The following MDN1 variants were observed in gnomAD, a reference collection of about 807,000 sequenced individuals.
The protein encoded by MDN1 is midasin.
In MDN1, 266 loss-of-function variants were observed where a neutral mutation model predicts 669.2. The observed-to-expected ratio is 0.40, with a 90% CI of 0.36 to 0.44. The LOEUF (loss-of-function observed/expected upper bound fraction) is 0.44, where lower values mean the gene tolerates loss of function less well. Ranked by LOEUF, MDN1 falls within the 20% of genes least tolerant of loss-of-function variation. MDN1 has a pLI of 1.00. For missense variants in MDN1, 5,940 were observed against 6,754.0 expected (o/e 0.88, Z 4.22); for synonymous variants, 2,385 against 2,457.1 (o/e 0.97, Z 0.87).
intron 17 of MDN1, among the ~76,000 whole-genome samples, chr6:89,760,340 G>A (rs1224671203): frequency 2.0e-5 from 3 of 151,774 alleles, no homozygotes; most frequent in East Asian, 3.9e-4. Flanking sequence ...TGAAGTGAAC[G>A]GGTCCAAATC....
intron 15 of MDN1, among the ~76,000 whole-genome samples, chr6:89,767,304 T>C (rs1817848600): frequency 6.6e-6 from 1 of 151,984 alleles, no homozygotes; most frequent in African/African-American, 2.4e-5. Flanking sequence ...CCAACACTAA[T>C]CAAAAAGCAA....
intron 64 of MDN1, 109 bp from the exon 65 acceptor site, chr6:89,690,252 G>A (rs1812294320): frequency 8.8e-7 from 1 of 1,136,868 alleles, no homozygotes; most frequent in Admixed American, 2.5e-5. Flanking sequence ...AATGAAATAG[G>A]ACTAATATAT....
At chr6:89,769,405 T>G (rs114573528) in intron 15 of MDN1, among the ~76,000 whole-genome samples, 230 of 152,254 alleles carry the variant, frequency 1.5e-3, no homozygotes, top group African/African-American at 5.3e-3. Context: ...CCACAAAAAC[T>G]GAGAAAAGGC....
chr6:89,726,381 T>C (rs1489828273), intron 37 of MDN1, among the ~76,000 whole-genome samples: 2 of 150,314 alleles, frequency 1.3e-5, no homozygotes, highest in Non-Finnish European at 3.0e-5. Flanking sequence ...CACGATTCAG[T>C]TGAACCTGGG....
intron 50 of MDN1, among the ~76,000 whole-genome samples, chr6:89,709,960 G>A (rs1327666208): frequency 6.6e-6 from 1 of 152,086 alleles, no homozygotes; most frequent in Admixed American, 6.6e-5. Flanking sequence ...GCAGTCAGTG[G>A]CACTATCACA....
chr6:89,675,218 A>G (rs1291864930), intron 78 of MDN1, among the ~76,000 whole-genome samples: 1 of 152,212 alleles, frequency 6.6e-6, no homozygotes, highest in African/African-American at 2.4e-5. Flanking sequence ...TGCCTGACAC[A>G]GCCCTGAAAT....
At chr6:89,651,233 G>A (rs1297657676) in intron 95 of MDN1, among the ~76,000 whole-genome samples, 2 of 149,956 alleles carry the variant, frequency 1.3e-5, no homozygotes, top group Non-Finnish European at 3.0e-5. Flanking sequence ...GCTGAGGCAG[G>A]AGAATCGCTT....
At chr6:89,741,674 G>T (rs1816306295) in intron 31 of MDN1, among the ~76,000 whole-genome samples, 2 of 152,132 alleles carry the variant, frequency 1.3e-5, no homozygotes. Flanking sequence ...AGCACCACCT[G>T]GAATGGAAAC....
In MDN1 at chr6:89,672,367, C is replaced by A. The variant is rs767354358; in HGVS notation, c.13631-4G>T. On this transcript the variant is annotated splice_polypyrimidine_tract_variant and splice_region_variant and intron_variant, in intron 81 of 101. Transcript: ENST00000369393. ...GATTGCAGTCTCTCAAAGCCTGCTG[C>A]CTCATTCATTCAGAGAAAATAACAA... The A allele has an allele frequency of 3.7e-6, 6 of 1,611,570 alleles. No individual in the cohort carries two copies. The highest frequency in any genetic ancestry group is 5.1e-6 in the Non-Finnish European group (6 of 1,179,542).
At chr6:89,697,021 G>GT (rs1441346577) in intron 59 of MDN1, among the ~76,000 whole-genome samples, 3 of 152,314 alleles carry the variant, frequency 2.0e-5, no homozygotes, top group East Asian at 1.9e-4. Flanking sequence ...CCAAATGTGT[G>GT]TGATAGTCAA....
chr6:89,701,969 A>G lies in MDN1; in HGVS notation c.8241T>C (p.His2747=), dbSNP rs1032495305. 1 of 1,613,912 alleles carries G rather than the reference A, an allele frequency of 6.2e-7. No individual in the cohort carries two copies. The highest frequency in any genetic ancestry group is 8.5e-7 in the Non-Finnish European group (1 of 1,179,824). ...DAPGLALLAL[H]WHWVLKHLVH... ...CCAGATGTTTTAAAACCCAGTGCCA[A>G]TGGAGGGCAAGAAGGGCCAGACCTG... The change falls in exon 54 of 102, where the codon CAT becomes CAC. Residue 2747 remains histidine, a synonymous_variant. Coordinates refer to ENST00000369393, the MANE Select transcript of MDN1 (RefSeq NM_014611.3).
At chr6:89,680,830 T>C in intron 73 of MDN1, 79 bp from the exon 74 acceptor site, 3 of 1,489,014 alleles carry the variant, frequency 2.0e-6, no homozygotes, top group Non-Finnish European at 2.7e-6. Flanking sequence ...ATTTAACTGT[T>C]GCACACAAAA....
At chr6:89,760,369 ACT>A (rs1412126873) in intron 17 of MDN1, among the ~76,000 whole-genome samples, 1 of 152,022 alleles carries the variant, frequency 6.6e-6, no homozygotes, top group Non-Finnish European at 1.5e-5. Flanking sequence ...ACATCCACAC[ACT>A]CTTTCCCCGG....
At chr6:89,756,733 T>A (rs1362613432) in intron 19 of MDN1, among the ~76,000 whole-genome samples, 2 of 152,016 alleles carry the variant, frequency 1.3e-5, no homozygotes, top group African/African-American at 4.8e-5. Flanking sequence ...CCATCCTGGC[T>A]AACATGGTGA....
intron 55 of MDN1, among the ~76,000 whole-genome samples, chr6:89,701,224 A>G (rs556814705): frequency 1.3e-5 from 2 of 152,254 alleles, no homozygotes; most frequent in South Asian, 2.1e-4. Flanking sequence ...GGACTTTTTT[A>G]TCTTGTCATT....
chr6:89,714,640 C>T lies in MDN1; in HGVS notation c.6972G>A (p.Leu2324=). The T allele has an allele frequency of 6.2e-7, 1 of 1,614,136 alleles. No individual in the cohort carries two copies. Among genetic ancestry groups the T allele is most frequent in the Non-Finnish European group, 8.5e-7 (1 of 1,180,008 alleles). ...GGCTGTGCAGCAGAACTTTCAAATCCAGGTTGTCTGGGGTGCTTGCATCCC... is the reference window on the plus strand; with the variant it reads ...GGCTGTGCAGCAGAACTTTCAAATCTAGGTTGTCTGGGGTGCTTGCATCCC... The part of the protein sequence containing the change: ...GEGDASTPDN[L]DLKVLLHSLG... Residue 2324 remains leucine, a synonymous_variant, in exon 46 of 102, where the codon CTG becomes CTA. Coordinates refer to ENST00000369393, the MANE Select transcript of MDN1 (RefSeq NM_014611.3).
At chr6:89,670,163 TA>T (rs869033523) in intron 83 of MDN1, among the ~76,000 whole-genome samples, 1,431 of 29,774 alleles carry the variant, frequency 0.048, 35 homozygotes, top group Non-Finnish European at 0.068. Context: ...TATATATATA[TA>T]TATATATTTT....
chr6:89,688,239 A>C, intron 66 of MDN1, 66 bp from the exon 67 acceptor site: 7 of 1,422,188 alleles, frequency 4.9e-6, no homozygotes, highest in Non-Finnish European at 6.9e-6. Context: ...AGGGTACTGA[A>C]GAGAGTCCTG....
intron 2 of MDN1, among the ~76,000 whole-genome samples, chr6:89,802,859 C>T (rs891064338): frequency 4.6e-5 from 7 of 152,188 alleles, no homozygotes; most frequent in African/African-American, 1.4e-4. Context: ...TTAAAAGTCA[C>T]ATTAAAATCC....
Sources: gnomAD v4.1 joint callset for allele counts (sites outside exome capture counted in the v4.1 genomes callset) on GRCh38, gnomAD v4.1.1 for gene constraint, MANE v1.5 for transcripts, NCBI Gene and HGNC (gene_info 2026-07-23, HGNC 2026-07-21) for gene names.